Variants in HDAC4 observed in about 807,000 individuals in gnomAD.
HDAC4 encodes histone deacetylase 4.
In HDAC4, 16 loss-of-function variants were observed where a neutral mutation model predicts 135.1. The ratio of observed to expected loss-of-function variants is 0.12; its 90% CI spans 0.08 to 0.18. The LOEUF (loss-of-function observed/expected upper bound fraction) is 0.18. Ranked by LOEUF, HDAC4 falls within the 10% of genes least tolerant of loss-of-function variation. The pLI is 1.00. For synonymous variants in HDAC4, 685 were observed against 653.4 expected (o/e 1.05, Z -0.74); for missense variants, 1,143 against 1,511.8 (o/e 0.76, Z 4.05).
rs372670471 is a variant in HDAC4, at chr2:239,146,720, C to T, written c.734-2006G>A. On this transcript the variant is annotated intron_variant, in intron 7 of 26. Coordinates refer to ENST00000543185, the MANE Select transcript of HDAC4 (RefSeq NM_001378414.1). This position sits in a 1 kb window ranked among gnomAD's most constrained non-coding sequence, Gnocchi z 4.5. The stretch of plus-strand genomic sequence containing the variant: ...CTTCCCTCCACTCCCCTCCCCTTCC[C>T]TCCTCTCCCCTTCCACAGGCCTCTG... 1.1e-3 allele frequency among the ~76,000 whole-genome samples: 168 copies of T among 151,604 alleles called. 1 individual carries two copies. The highest frequency in any genetic ancestry group is 3.7e-3 in the African/African-American group (154 of 41,270).
intron 4 of HDAC4, chr2:239,186,466 T>G (rs545474902): frequency 6.6e-6 from 1 of 152,364 alleles, no homozygotes; most frequent in East Asian, 1.9e-4. Context: ...AAATGGCTTT[T>G]ATAATCTCTA....
At chr2:239,382,285 T>C (rs1695475840) in intron 1 of HDAC4, among the ~76,000 whole-genome samples, 1 of 152,262 alleles carries the variant, frequency 6.6e-6, no homozygotes, top group South Asian at 2.1e-4. Flanking sequence ...TTGGTGATAC[T>C]CAGCCTGTCT....
At chr2:239,316,524 C>G (rs947603755) in intron 2 of HDAC4, among the ~76,000 whole-genome samples, 1 of 152,180 alleles carries the variant, frequency 6.6e-6, no homozygotes, top group African/African-American at 2.4e-5. Context: ...AGGAGAACTG[C>G]TTGAGCCCAC....
intron 1 of HDAC4, among the ~76,000 whole-genome samples, chr2:239,399,208 A>T (rs535466738): frequency 6.6e-6 from 1 of 152,232 alleles, no homozygotes; most frequent in African/African-American, 2.4e-5. Flanking sequence ...TAAATTTCAC[A>T]TATTTTTGAT....
rs2052591989 is a variant in HDAC4, at chr2:239,306,523, C to T, written c.22+46155G>A. ...CCGTAGAGCCATCAAATCATCTGGG[C>T]CCCGACACACTTGTTTCGTACCTTT... On this transcript the variant is annotated intron_variant, in intron 2 of 26. Transcript: ENST00000543185. The surrounding 1 kb of genome is among the most constrained non-coding windows in gnomAD (Gnocchi z 4.5). Among the ~76,000 whole-genome samples the T allele has an allele frequency of 5.3e-5, 8 of 152,152 alleles. No homozygotes were observed. The highest frequency in any genetic ancestry group is 5.2e-4 in the Admixed American group (8 of 15,284).
At chr2:239,294,338 A>G (rs1476114493) in intron 2 of HDAC4, among the ~76,000 whole-genome samples, 1 of 152,192 alleles carries the variant, frequency 6.6e-6, no homozygotes, top group African/African-American at 2.4e-5. Context: ...GCCTTGGCAG[A>G]GGCCTGACTG....
chr2:239,075,368 G>T (rs2034637654), intron 22 of HDAC4, among the ~76,000 whole-genome samples: 2 of 152,116 alleles, frequency 1.3e-5, no homozygotes, highest in South Asian at 2.1e-4. Context: ...GCAACCTGAG[G>T]GGAGAGAGGG....
chr2:239,229,364 C>T (rs1418908760), intron 3 of HDAC4, among the ~76,000 whole-genome samples: 2 of 152,160 alleles, frequency 1.3e-5, no homozygotes, highest in Non-Finnish European at 2.9e-5. Context: ...CTATTCATAC[C>T]GGCCCTCAGG....
rs151263733 is a variant in HDAC4 at position 239,309,992 on chromosome 2, G to C, written c.22+42686C>G. On this transcript the variant is annotated intron_variant, in intron 2 of 26. Transcript: ENST00000543185. The surrounding 1 kb of genome is among the most constrained non-coding windows in gnomAD (Gnocchi z 4.2). ...AGGCCCAAGGAGTTTCTCCAGAGCA[G>C]CCTGTCCTCTTCGGTCCAGAAAAAG... Among the ~76,000 whole-genome samples the C allele has an allele frequency of 1.3e-3, 202 of 152,340 alleles. No individual in the cohort carries two copies. Among genetic ancestry groups the C allele is most frequent in the African/African-American group, 4.7e-3 (194 of 41,590 alleles).
At chr2:239,063,865 C>T (rs1406758415) in intron 24 of HDAC4, among the ~76,000 whole-genome samples, 3 of 152,234 alleles carry the variant, frequency 2.0e-5, no homozygotes, top group Non-Finnish European at 4.4e-5. Context: ...AGCTCCCTGG[C>T]TTCCCAAGTC....
At position 239,115,415 on chromosome 2, in the gene HDAC4, G is replaced by A; in HGVS notation, c.1534-105C>T. 1 of 1,409,464 alleles carries A rather than the reference G, an allele frequency of 7.1e-7. No individual in the cohort carries two copies. Among genetic ancestry groups the A allele is most frequent in the Non-Finnish European group, 9.9e-7 (1 of 1,014,868 alleles). 87.3% of individuals were successfully genotyped at this position (1,409,464 alleles called of 1,614,324 possible). A position where few individuals can be genotyped will look rare whatever the true frequency, so the allele number is the denominator to read the frequency against. On this transcript the variant is annotated intron_variant, in intron 12 of 26. Coordinates refer to ENST00000543185, the MANE Select transcript of HDAC4 (RefSeq NM_001378414.1). The surrounding 1 kb of genome is among the most constrained non-coding windows in gnomAD (Gnocchi z 6.3). ...CCCCACCCTCTGGGGCAGACAATCAGGGACTCAGGGCACCTTATCACCCTG... is the reference window on the plus strand; with the variant it reads ...CCCCACCCTCTGGGGCAGACAATCAAGGACTCAGGGCACCTTATCACCCTG...
At chr2:239,080,689 A>G (rs186875454) in intron 22 of HDAC4, among the ~76,000 whole-genome samples, 4 of 152,364 alleles carry the variant, frequency 2.6e-5, no homozygotes, top group Admixed American at 2.0e-4. Flanking sequence ...ATAAATAAAG[A>G]AGAAATACTT....
intron 24 of HDAC4, among the ~76,000 whole-genome samples, chr2:239,060,842 G>A (rs1012938866): frequency 5.9e-5 from 9 of 152,364 alleles, no homozygotes; most frequent in African/African-American, 2.2e-4. Flanking sequence ...TGGGATGCAC[G>A]CAGGCTCCTT....
At chr2:239,121,199 C>T (rs745328175) in intron 12 of HDAC4, among the ~76,000 whole-genome samples, 1 of 152,300 alleles carries the variant, frequency 6.6e-6, no homozygotes, top group Middle Eastern at 3.4e-3. Flanking sequence ...CAAAACGATC[C>T]ACCCACCTTG....
At chr2:239,110,342 T>G (rs1341543069) in intron 14 of HDAC4, among the ~76,000 whole-genome samples, 1 of 152,210 alleles carries the variant, frequency 6.6e-6, no homozygotes, top group African/African-American at 2.4e-5. Flanking sequence ...GAAGCGGGAC[T>G]CCCTGCAAGT....
chr2:239,139,297 A>G lies in HDAC4; in HGVS notation c.978+387T>C, dbSNP rs1428813539. 2.0e-5 allele frequency among the ~76,000 whole-genome samples: 3 copies of G among 152,322 alleles called. No homozygotes were observed. Among genetic ancestry groups the G allele is most frequent in the African/African-American group, 4.8e-5 (2 of 41,566 alleles). ...TATACCCACGTGCCCACGGCCTCTC[A>G]GCCACCCTCAGAGCACTGGCGACCA... On this transcript the variant is annotated intron_variant, in intron 9 of 26. Coordinates refer to ENST00000543185, the MANE Select transcript of HDAC4 (RefSeq NM_001378414.1). This position sits in a 1 kb window ranked among gnomAD's most constrained non-coding sequence, Gnocchi z 5.3.
chr2:239,061,899 T>C (rs1338308758), intron 24 of HDAC4, among the ~76,000 whole-genome samples: 2 of 152,084 alleles, frequency 1.3e-5, no homozygotes, highest in African/African-American at 2.4e-5. Context: ...ATGACTAAAG[T>C]AGAAAATTGG....
chr2:239,092,525 G>GCTGCT (rs1285801790), intron 17 of HDAC4, among the ~76,000 whole-genome samples: 4 of 152,222 alleles, frequency 2.6e-5, no homozygotes, highest in Non-Finnish European at 5.9e-5. Flanking sequence ...GTGCCAAGGA[G>GCTGCT]CTGCTCGGTC....
At chr2:239,055,891 C>T (rs893949441) in intron 24 of HDAC4, among the ~76,000 whole-genome samples, 2 of 152,218 alleles carry the variant, frequency 1.3e-5, no homozygotes, top group South Asian at 4.1e-4. Flanking sequence ...GTCCTGGAGC[C>T]AGCCTTGCTG....
Sources: allele counts gnomAD v4.1 joint callset (sites outside exome capture counted in the v4.1 genomes callset), GRCh38; gene constraint gnomAD v4.1.1; non-coding constraint Gnocchi (gnomAD v3.1); transcripts MANE v1.5; gene names NCBI Gene and HGNC (gene_info 2026-07-23, HGNC 2026-07-21).